The following PIK3IP1 variants were observed in gnomAD, a reference collection of about 807,000 sequenced individuals.
PIK3IP1 encodes phosphoinositide-3-kinase-interacting protein 1.
In PIK3IP1, 28 loss-of-function variants were observed where a neutral mutation model predicts 30.7. The ratio of observed to expected loss-of-function variants is 0.91; its 90% CI spans 0.68 to 1.25. The LOEUF (loss-of-function observed/expected upper bound fraction) is 1.25. Among genes scored for constraint, PIK3IP1 ranks in the 50% most tolerant of loss-of-function variants. The probability of loss-of-function intolerance (pLI) is 0.00; values close to 1 mark genes in which losing one functional copy is unlikely to be tolerated. For synonymous variants in PIK3IP1, 159 were observed against 140.8 expected, an observed-to-expected ratio of 1.13 and a Z score of -0.91; for missense variants, 333 against 346.2, an observed-to-expected ratio of 0.96 and a Z score of 0.30.
chr22:31,288,326 C>T (rs1051445650), intron 5 of PIK3IP1, among the ~76,000 whole-genome samples: 3 of 149,804 alleles, frequency 2.0e-5, no homozygotes, highest in Non-Finnish European at 4.4e-5. Flanking sequence ...CTGCAGTGAG[C>T]CGTGATCGCA....
Position 31,291,303 on chromosome 22 carries a change from G to A in PIK3IP1, c.71-7C>T, listed in dbSNP as rs1420638030. 3.2e-6 allele frequency: 5 copies of A among 1,556,208 alleles called. No homozygotes were observed. Among genetic ancestry groups the A allele is most frequent in the Non-Finnish European group, 4.3e-6 (5 of 1,150,478 alleles). On this transcript the variant is annotated splice_polypyrimidine_tract_variant and splice_region_variant and intron_variant, in intron 1 of 5. Coordinates refer to ENST00000215912, the MANE Select transcript of PIK3IP1 (RefSeq NM_052880.5). ...CCGTTGTCCCAGAAACAGCCTGTGA[G>A]GAAAAGAAGCCCCCGGACACAGAAT...
At chr22:31,290,897 G>A (rs2049171242) in intron 3 of PIK3IP1, 68 bp downstream of exon 3, 2 of 1,480,548 alleles carry the variant, frequency 1.4e-6, no homozygotes, top group East Asian at 2.6e-5. Flanking sequence ...CCGCACGTGC[G>A]CCACGAGTGT....
intron 1 of PIK3IP1, among the ~76,000 whole-genome samples, chr22:31,291,675 T>TCACCAAAGAGCCCCTAAA (rs1194777008): frequency 6.6e-6 from 1 of 152,156 alleles, no homozygotes; most frequent in African/African-American, 2.4e-5. Flanking sequence ...AGGGTCCCTT[T>TCACCAAAGAGCCCCTAAA]GAGGAGCTGG....
chr22:31,289,807 T>C (rs981229490), intron 3 of PIK3IP1, 108 bp from the exon 4 acceptor site: 2 of 1,197,314 alleles, frequency 1.7e-6, no homozygotes, highest in Non-Finnish European at 1.2e-6. Context: ...ACCTAAGAAT[T>C]TCCCCCCACA....
At position 31,282,835 on chromosome 22, in the gene PIK3IP1, G is replaced by A; in HGVS notation, c.*249C>T. ...CCTTAGCAGCAGCATCACTGTGGGA[G>A]CTGCCACTGTCTCCATCCACAGACA... On this transcript the variant is annotated 3_prime_UTR_variant, in exon 6 of 6. Coordinates refer to ENST00000215912, the MANE Select transcript of PIK3IP1 (RefSeq NM_052880.5). 1 of 473,058 alleles carries A rather than the reference G, an allele frequency of 2.1e-6. No individual in the cohort carries two copies. The allele number at this position is 473,058 out of a possible 1,614,324, so 29.3% of individuals were successfully genotyped here. A position where few individuals can be genotyped will look rare whatever the true frequency, so the allele number is the denominator to read the frequency against.
intron 5 of PIK3IP1, 28 bp downstream of exon 5, chr22:31,289,287 A>G: frequency 1.2e-6 from 2 of 1,609,834 alleles, no homozygotes; most frequent in South Asian, 1.1e-5. Context: ...CCCTCCTCCT[A>G]AGAGGGCCCA....
rs1172505048 is a variant in PIK3IP1 at position 31,290,908 on chromosome 22, C to G, written c.307+57G>C. 2.6e-5 allele frequency: 39 copies of G among 1,512,672 alleles called. No homozygotes were observed. In the East Asian group the frequency reaches 8.9e-4, roughly 35 times the overall value. 93.7% of individuals were successfully genotyped at this position (1,512,672 alleles called of 1,614,324 possible). A position where few individuals can be genotyped will look rare whatever the true frequency, so the allele number is the denominator to read the frequency against. ...GCGGCCGCACGTGCGCCACGAGTGT[C>G]TCAGCCGCTTCCTGTCAGCGCCAGG... On this transcript the variant is annotated intron_variant, in intron 3 of 5. Transcript: ENST00000215912.
chr22:31,283,357 C>T (rs552412261), intron 5 of PIK3IP1, 69 bp from the exon 6 acceptor site: 1 of 1,522,924 alleles, frequency 6.6e-7, no homozygotes, highest in Admixed American at 1.8e-5. Context: ...TAGATAGCAT[C>T]CCTGAGGCTC....
At position 31,283,132 on chromosome 22, in the gene PIK3IP1, C is replaced by T. The variant is rs1265964251; in HGVS notation, c.744G>A (p.Gln248=). The T allele has an allele frequency of 6.2e-7, 1 of 1,613,428 alleles. No individual in the cohort carries two copies. The highest frequency in any genetic ancestry group is 1.7e-5 in the Admixed American group (1 of 59,860). The change falls in exon 6 of 6, where the codon CAG becomes CAA. Residue 248 remains glutamine (Q), a synonymous_variant. Transcript: ENST00000215912. Reference sequence around the variant, plus strand: ...GGCCCATAAGGGGGGTGGTGCCCTCCTGAGGGTCAACTGGAGTCTGGCTGG... The same window carrying T: ...GGCCCATAAGGGGGGTGGTGCCCTCTTGAGGGTCAACTGGAGTCTGGCTGG... The part of the protein sequence containing the change: ...VHTSQTPVDP[Q]EGTTPLMGQA...
intron 3 of PIK3IP1, 84 bp from the exon 4 acceptor site, chr22:31,289,783 G>A (rs771321019): frequency 1.4e-5 from 20 of 1,412,380 alleles, no homozygotes; most frequent in Non-Finnish European, 1.9e-5. Context: ...TGTTAGGGTA[G>A]ATGAAGGTGG....
Position 31,289,498 on chromosome 22 carries a change from C to T in PIK3IP1, c.508+1G>A. 2 of 1,533,832 alleles carry T rather than the reference C, an allele frequency of 1.3e-6. No individual in the cohort carries two copies. The highest frequency in any genetic ancestry group is 2.3e-5 in the East Asian group (1 of 43,844). On this transcript the variant is annotated splice_donor_variant, in intron 4 of 5. Transcript: ENST00000215912. LOFTEE classifies it high-confidence loss of function. The stretch of plus-strand genomic sequence containing the variant: ...AGGGCAGGGGTGGGGGACCGTCATA[C>T]CCAGAGTTCCCAGGTCCTTTTTCTC...
At chr22:31,292,167 C>T (rs2049185610) in intron 1 of PIK3IP1, 108 bp downstream of exon 1, 7 of 1,097,204 alleles carry the variant, frequency 6.4e-6, no homozygotes, top group Non-Finnish European at 9.5e-6. Flanking sequence ...ACAACAGAAA[C>T]CGGCTAAACG....
intron 3 of PIK3IP1, chr22:31,290,556 A>C (rs147332817): frequency 1.7e-4 from 30 of 173,292 alleles, no homozygotes; most frequent in Non-Finnish European, 2.2e-4. Context: ...ACTTCTCTGA[A>C]GCTCAGATGC....
intron 3 of PIK3IP1, 82 bp downstream of exon 3, chr22:31,290,883 G>C (rs2049170957): frequency 6.9e-7 from 1 of 1,447,070 alleles, no homozygotes; most frequent in Non-Finnish European, 9.1e-7. Flanking sequence ...CCGGCATCGC[G>C]CGGCCGCACG....
chr22:31,292,484 G>C lies in PIK3IP1; in HGVS notation c.-140C>G. The C allele has an allele frequency of 6.0e-6, 4 of 667,806 alleles. No homozygotes were observed. Among genetic ancestry groups the C allele is most frequent in the Non-Finnish European group, 1.1e-5 (4 of 380,374 alleles). 41.4% of individuals were successfully genotyped at this position (667,806 alleles called of 1,614,324 possible). On this transcript the variant is annotated 5_prime_UTR_variant, in exon 1 of 6. Coordinates refer to ENST00000215912, the MANE Select transcript of PIK3IP1 (RefSeq NM_052880.5). ...TGTTCTGGTAAACAGCCTCTCTTTA[G>C]AACTGGGAGCTTCCCAGCTAGCTTG...
At chr22:31,284,616 G>T (rs1341377154) in intron 5 of PIK3IP1, among the ~76,000 whole-genome samples, 1 of 152,194 alleles carries the variant, frequency 6.6e-6, no homozygotes, top group Non-Finnish European at 1.5e-5. Flanking sequence ...GGGGTAGGGG[G>T]TGGTTAGCCT....
At chr22:31,291,428 G>GC (rs1332627239) in intron 1 of PIK3IP1, 132 bp from the exon 2 acceptor site, 4 of 814,668 alleles carry the variant, frequency 4.9e-6, no homozygotes, top group African/African-American at 1.7e-5. Flanking sequence ...GCCCTGCTGG[G>GC]CCTCCCTCTC....
chr22:31,290,756 C>G, intron 3 of PIK3IP1: 1 of 695,016 alleles, frequency 1.4e-6, no homozygotes, highest in Non-Finnish European at 2.2e-6. Context: ...CAGTTGTTTA[C>G]AAGCGCTCGC....
In PIK3IP1 at chr22:31,292,470, A is replaced by G. The variant is rs1601464830; in HGVS notation, c.-126T>C. ...TGCCCTTGTTATGCTGTTCTGGTAA[A>G]CAGCCTCTCTTTAGAACTGGGAGCT... On this transcript the variant is annotated 5_prime_UTR_variant, in exon 1 of 6. Coordinates refer to ENST00000215912, the MANE Select transcript of PIK3IP1 (RefSeq NM_052880.5). The G allele has an allele frequency of 1.3e-6, 1 of 741,992 alleles. No individual in the cohort carries two copies. The highest frequency in any genetic ancestry group is 1.7e-5 in the African/African-American group (1 of 57,452). The allele number at this position is 741,992 out of a possible 1,614,324, so 46.0% of individuals were successfully genotyped here.
Sources: allele counts gnomAD v4.1 joint callset (sites outside exome capture counted in the v4.1 genomes callset), GRCh38; gene constraint gnomAD v4.1.1; transcripts MANE v1.5; gene names NCBI Gene and HGNC (gene_info 2026-07-23, HGNC 2026-07-21).